Variants in PLPPR5 observed in about 807,000 individuals in gnomAD.
PLPPR5 encodes the protein phospholipid phosphatase-related protein type 5.
In PLPPR5, 16 loss-of-function variants were observed where a neutral mutation model predicts 33.9. The observed-to-expected ratio is 0.47, with a 90% CI of 0.32 to 0.72. The LOEUF (loss-of-function observed/expected upper bound fraction) is 0.72. Ranked by LOEUF, PLPPR5 falls within the 30% of genes least tolerant of loss-of-function variation. The probability of loss-of-function intolerance (pLI) is 0.03; values close to 1 mark genes in which losing one functional copy is unlikely to be tolerated. For synonymous variants in PLPPR5, 163 were observed against 150.3 expected (o/e 1.08, Z -0.62); for missense variants, 301 against 406.7 (o/e 0.74, Z 2.23).
intron 3 of PLPPR5, among the ~76,000 whole-genome samples, chr1:98,922,313 A>C (rs1434389749): frequency 6.6e-6 from 1 of 152,210 alleles, no homozygotes; most frequent in Middle Eastern, 3.2e-3. Flanking sequence ...ATTCTTAATC[A>C]TCTAGAAACA....
chr1:98,985,583 A>T (rs142281258), intron 1 of PLPPR5, among the ~76,000 whole-genome samples: 75 of 152,172 alleles, frequency 4.9e-4, no homozygotes, highest in African/African-American at 1.8e-3. Context: ...CTGAATCACC[A>T]GAGCAATTTC....
chr1:98,939,813 G>C (rs975523827), intron 3 of PLPPR5, among the ~76,000 whole-genome samples: 1 of 151,868 alleles, frequency 6.6e-6, no homozygotes, highest in African/African-American at 2.4e-5. Flanking sequence ...TGGCTGCTTA[G>C]GTTCTATCAG....
Position 99,004,829 on chromosome 1 carries a change from A to G in PLPPR5, c.-158T>C, listed in dbSNP as rs1044361410. 13 of 328,808 alleles carry G rather than the reference A, an allele frequency of 4.0e-5. No individual in the cohort carries two copies. The highest frequency in any genetic ancestry group is 6.7e-5 in the Non-Finnish European group (13 of 194,202). The allele number at this position is 328,808 out of a possible 1,614,324, so 20.4% of individuals were successfully genotyped here. On this transcript the variant is annotated 5_prime_UTR_variant, in exon 1 of 6. Coordinates refer to ENST00000263177, the MANE Select transcript of PLPPR5 (RefSeq NM_001037317.2). ...ATGGAGCCGCTGGAGGAAGAGGCGG[A>G]GGCAGGTCCGGGCTTCGAGGCGCCG...
At position 98,969,436 on chromosome 1, in the gene PLPPR5, A is replaced by T. The variant is rs1557687749; in HGVS notation, c.238-12695T>A. Among the ~76,000 whole-genome samples the T allele has an allele frequency of 2.6e-5, 4 of 152,056 alleles. No individual in the cohort carries two copies. In the South Asian group the frequency reaches 8.3e-4, roughly 31 times the overall value. On this transcript the variant is annotated intron_variant, in intron 1 of 5. Coordinates refer to ENST00000263177, the MANE Select transcript of PLPPR5 (RefSeq NM_001037317.2). ...AATGGGAGAGAAAAAATATGATTCTAAAAGGTAACCCAGGTAGGAAACTAA... is the reference window on the plus strand; with the variant it reads ...AATGGGAGAGAAAAAATATGATTCTTAAAGGTAACCCAGGTAGGAAACTAA...
At chr1:98,985,562 C>T (rs754914298) in intron 1 of PLPPR5, among the ~76,000 whole-genome samples, 9 of 151,992 alleles carry the variant, frequency 5.9e-5, no homozygotes, top group Non-Finnish European at 8.8e-5. Flanking sequence ...CACATTCACT[C>T]GTCTCACTCT....
intron 1 of PLPPR5, among the ~76,000 whole-genome samples, chr1:98,992,882 T>A (rs1652497694): frequency 6.6e-6 from 1 of 152,054 alleles, no homozygotes; most frequent in African/African-American, 2.4e-5. Flanking sequence ...ATAACAGTAT[T>A]AGTGAGAAGG....
At chr1:98,951,774 T>C (rs764204548) in intron 3 of PLPPR5, among the ~76,000 whole-genome samples, 1 of 152,188 alleles carries the variant, frequency 6.6e-6, no homozygotes, top group Non-Finnish European at 1.5e-5. Context: ...ATAACATGAT[T>C]GTATTGAAAA....
At chr1:98,955,701 T>C (rs563099045) in intron 2 of PLPPR5, among the ~76,000 whole-genome samples, 43 of 152,212 alleles carry the variant, frequency 2.8e-4, no homozygotes, top group Non-Finnish European at 4.9e-4. Context: ...CTTCAAAGTC[T>C]TCATCCTGAA....
intron 2 of PLPPR5, among the ~76,000 whole-genome samples, chr1:98,955,469 C>T (rs1199238183): frequency 1.3e-5 from 2 of 151,924 alleles, no homozygotes; most frequent in Non-Finnish European, 2.9e-5. Context: ...TAGTCAAGAA[C>T]ACAGTATTGA....
At chr1:98,960,826 C>T (rs1651217435) in intron 1 of PLPPR5, among the ~76,000 whole-genome samples, 1 of 152,222 alleles carries the variant, frequency 6.6e-6, no homozygotes, top group African/African-American at 2.4e-5. Flanking sequence ...CACAGATGGC[C>T]CCGGCTGCTG....
intron 1 of PLPPR5, among the ~76,000 whole-genome samples, chr1:98,964,801 C>G (rs1651371178): frequency 6.6e-6 from 1 of 152,016 alleles, no homozygotes; most frequent in Non-Finnish European, 1.5e-5. Context: ...AGGGCTTTCA[C>G]TGCTTTATTT....
chr1:98,920,196 C>A (rs953099467), intron 4 of PLPPR5, among the ~76,000 whole-genome samples: 1 of 151,938 alleles, frequency 6.6e-6, no homozygotes, highest in African/African-American at 2.4e-5. Flanking sequence ...CTGAGGTTGG[C>A]CTTGTAAGGT....
chr1:98,985,857 G>T (rs187942807), intron 1 of PLPPR5, among the ~76,000 whole-genome samples: 236 of 152,064 alleles, frequency 1.6e-3, no homozygotes, highest in Admixed American at 3.3e-3. Context: ...CATGATGTTT[G>T]CACAATGACA....
chr1:98,982,558 C>A (rs1298702479), intron 1 of PLPPR5, among the ~76,000 whole-genome samples: 2 of 152,074 alleles, frequency 1.3e-5, no homozygotes, highest in South Asian at 2.1e-4. Flanking sequence ...TTCTTCGGCC[C>A]TTTTCTTTCC....
intron 3 of PLPPR5, among the ~76,000 whole-genome samples, chr1:98,939,984 T>C (rs968523158): frequency 2.0e-5 from 3 of 151,844 alleles, no homozygotes; most frequent in Non-Finnish European, 4.4e-5. Flanking sequence ...TTGGAGGCAC[T>C]GGAAATGTAG....
At chr1:98,907,786 G>A (rs1206069181) in intron 5 of PLPPR5, among the ~76,000 whole-genome samples, 1 of 152,174 alleles carries the variant, frequency 6.6e-6, no homozygotes, top group African/African-American at 2.4e-5. Context: ...AAGACCATGA[G>A]CATTTTCAGG....
At chr1:98,965,884 C>A (rs1029587173) in intron 1 of PLPPR5, among the ~76,000 whole-genome samples, 2 of 152,138 alleles carry the variant, frequency 1.3e-5, no homozygotes, top group Admixed American at 1.3e-4. Context: ...GTTATGTAAT[C>A]AGTGTGATAG....
intron 1 of PLPPR5, among the ~76,000 whole-genome samples, chr1:98,988,941 A>C (rs1310361434): frequency 6.6e-6 from 1 of 152,148 alleles, no homozygotes; most frequent in Non-Finnish European, 1.5e-5. Context: ...ACGTAACTTT[A>C]GCAACATCCC....
At chr1:98,911,705 C>T (rs1476447413) in intron 5 of PLPPR5, among the ~76,000 whole-genome samples, 2 of 151,946 alleles carry the variant, frequency 1.3e-5, no homozygotes, top group East Asian at 3.9e-4. Flanking sequence ...GTTACCCTGA[C>T]CATATTATTC....
Sources: allele counts gnomAD v4.1 joint callset (sites outside exome capture counted in the v4.1 genomes callset), GRCh38; gene constraint gnomAD v4.1.1; transcripts MANE v1.5; gene names NCBI Gene and HGNC (gene_info 2026-07-23, HGNC 2026-07-21).